UBE2D2: variants seen among roughly 807,000 people sequenced by gnomAD.
UBE2D2 encodes ubiquitin conjugating enzyme E2 D2.
A neutral mutation model predicts 24.2 loss-of-function variants in UBE2D2; 2 were observed. That is an observed-to-expected ratio of 0.08 (90% CI 0.03 to 0.26). The LOEUF (loss-of-function observed/expected upper bound fraction) is 0.26, where lower values mean the gene tolerates loss of function less well. Ranked by LOEUF, UBE2D2 falls within the 10% of genes least tolerant of loss-of-function variation. UBE2D2 has a pLI of 1.00. For synonymous variants in UBE2D2, 58 were observed against 56.5 expected (o/e 1.03, Z -0.12); for missense variants, 44 against 177.6 (o/e 0.25, Z 4.28).
At chr5:139,567,312 C>T (rs933666116) in intron 1 of UBE2D2, among the ~76,000 whole-genome samples, 1 of 152,024 alleles carries the variant, frequency 6.6e-6, no homozygotes, top group Non-Finnish European at 1.5e-5. Context: ...ATTGGCCAGG[C>T]TGGTCTCGAA....
chr5:139,589,551 AAAT>A (rs1332553717), intron 1 of UBE2D2, among the ~76,000 whole-genome samples: 1 of 152,144 alleles, frequency 6.6e-6, no homozygotes, highest in Non-Finnish European at 1.5e-5. Flanking sequence ...TGTCTCAAAA[AAAT>A]AGCCAAAAAA....
At chr5:139,568,947 G>A (rs1230533108) in intron 1 of UBE2D2, among the ~76,000 whole-genome samples, 1 of 152,052 alleles carries the variant, frequency 6.6e-6, no homozygotes, top group African/African-American at 2.4e-5. Context: ...TCCAGCTTGG[G>A]CAACAGAGCA....
chr5:139,561,798 C>T lies in UBE2D2; in HGVS notation c.7C>T (p.Leu3=), dbSNP rs756125152. MA[L]KRIHKELNDL... is the part of the protein sequence containing the mutation. ...CCGCCACCCGCCTCCCACCATGGCT[C>T]TGAAGAGAATCCACAAGGTAAGCGG... The change falls in exon 1 of 7, where the codon CTG becomes TTG. Residue 3 remains leucine, a synonymous_variant. Coordinates refer to ENST00000398733, the MANE Select transcript of UBE2D2 (RefSeq NM_003339.3). The T allele has an allele frequency of 3.7e-5, 56 of 1,508,830 alleles. No homozygotes were observed. The Admixed American group carries it at 1.3e-3, about 35-fold the overall frequency. 93.5% of individuals were successfully genotyped at this position (1,508,830 alleles called of 1,614,324 possible).
intron 1 of UBE2D2, among the ~76,000 whole-genome samples, chr5:139,555,952 A>AAAAG (rs1752976585): frequency 6.7e-6 from 1 of 148,550 alleles, no homozygotes; most frequent in African/African-American, 2.5e-5. Context: ...AAAAAAAAAA[A>AAAAG]AAGGCCAGGC....
At chr5:139,542,855 G>T (rs1417748087) in intron 1 of UBE2D2, among the ~76,000 whole-genome samples, 1 of 152,098 alleles carries the variant, frequency 6.6e-6, no homozygotes, top group African/African-American at 2.4e-5. Flanking sequence ...CAACTGTATG[G>T]GTTTGTTTCT....
intron 1 of UBE2D2, among the ~76,000 whole-genome samples, chr5:139,599,828 G>C (rs552157768): frequency 6.6e-6 from 1 of 151,748 alleles, no homozygotes. Context: ...TTTTGAAATG[G>C]AGTCTCGCTC....
chr5:139,615,300 T>C (rs573249907), intron 5 of UBE2D2, among the ~76,000 whole-genome samples: 3 of 152,176 alleles, frequency 2.0e-5, no homozygotes, highest in South Asian at 2.1e-4. Flanking sequence ...CTGGCTAACA[T>C]GGTGAAACCC....
intron 1 of UBE2D2, among the ~76,000 whole-genome samples, chr5:139,541,078 G>A (rs1441784603): frequency 2.0e-5 from 3 of 151,152 alleles, no homozygotes; most frequent in African/African-American, 7.3e-5. Flanking sequence ...CGGGTGGATT[G>A]TTTGAGGTCA....
At chr5:139,549,383 C>T (rs972866595) in intron 1 of UBE2D2, among the ~76,000 whole-genome samples, 2 of 152,300 alleles carry the variant, frequency 1.3e-5, no homozygotes, top group African/African-American at 4.8e-5. Context: ...GCGCATGGCA[C>T]TCGAGGGCCA....
At position 139,561,615 on chromosome 5, in the gene UBE2D2, C is replaced by T; in HGVS notation, c.-177C>T. On this transcript the variant is annotated 5_prime_UTR_variant, in exon 1 of 7. Transcript: ENST00000398733. ...GTGATGCGGTGACCGCTGCGGCAGG[C>T]CCAGGAGCTGAGTGGGCCCCGGCCC... 1.0e-5 allele frequency: 5 copies of T among 479,172 alleles called. No homozygotes were observed. Among genetic ancestry groups the T allele is most frequent in the South Asian group, 3.7e-5 (1 of 27,262 alleles). The allele number at this position is 479,172 out of a possible 1,614,324, so 29.7% of individuals were successfully genotyped here.
chr5:139,618,420 TC>T, intron 5 of UBE2D2, among the ~76,000 whole-genome samples: 1 of 152,294 alleles, frequency 6.6e-6, no homozygotes, highest in South Asian at 2.1e-4. Flanking sequence ...TAGAGAAGTG[TC>T]CCCTTTTCTT....
intron 1 of UBE2D2, among the ~76,000 whole-genome samples, chr5:139,544,766 T>C (rs557342463): frequency 2.0e-5 from 3 of 149,128 alleles, no homozygotes; most frequent in African/African-American, 7.6e-5. Flanking sequence ...TAACCCACTT[T>C]ATACTGTAGT....
intron 1 of UBE2D2, among the ~76,000 whole-genome samples, chr5:139,539,438 G>A (rs976335806): frequency 6.6e-6 from 1 of 152,150 alleles, no homozygotes; most frequent in African/African-American, 2.4e-5. Context: ...TAGGGAGATA[G>A]GGGTGTATGT....
chr5:139,552,147 A>G (rs1288733627), intron 1 of UBE2D2, among the ~76,000 whole-genome samples: 1 of 152,102 alleles, frequency 6.6e-6, no homozygotes, highest in Non-Finnish European at 1.5e-5. Flanking sequence ...TCTAATAGAT[A>G]AGCTCTAATA....
At chr5:139,584,237 T>C (rs1253662133) in intron 1 of UBE2D2, among the ~76,000 whole-genome samples, 2 of 152,190 alleles carry the variant, frequency 1.3e-5, no homozygotes, top group Admixed American at 6.6e-5. Flanking sequence ...TATTGTGTTA[T>C]AGTTGCCTGC....
chr5:139,552,675 ATTTTT>A (rs35039276), intron 1 of UBE2D2, among the ~76,000 whole-genome samples: 1 of 59,344 alleles, frequency 1.7e-5, no homozygotes, highest in Non-Finnish European at 3.3e-5. Flanking sequence ...CGCTTGGCTA[ATTTTT>A]TTTTTTTTTT....
At chr5:139,570,869 C>A (rs1478137684) in intron 1 of UBE2D2, among the ~76,000 whole-genome samples, 2 of 152,004 alleles carry the variant, frequency 1.3e-5, no homozygotes, top group African/African-American at 4.8e-5. Flanking sequence ...ATATATCTTT[C>A]ATCAGAGTCA....
At chr5:139,551,220 C>T (rs1439899768) in intron 1 of UBE2D2, among the ~76,000 whole-genome samples, 1 of 152,108 alleles carries the variant, frequency 6.6e-6, no homozygotes, top group African/African-American at 2.4e-5. Flanking sequence ...GTGGTGGGTG[C>T]TTGTAATTCC....
At chr5:139,603,962 A>G (rs1754137653) in intron 2 of UBE2D2, among the ~76,000 whole-genome samples, 1 of 152,046 alleles carries the variant, frequency 6.6e-6, no homozygotes, top group South Asian at 2.1e-4. Context: ...AAAAACAAAC[A>G]AACTCTCCCA....
Sources: allele counts gnomAD v4.1 joint callset (sites outside exome capture counted in the v4.1 genomes callset), GRCh38; gene constraint gnomAD v4.1.1; transcripts MANE v1.5; gene names NCBI Gene and HGNC (gene_info 2026-07-23, HGNC 2026-07-21).